Variants in KIF6 observed in about 807,000 individuals in gnomAD.
KIF6 encodes the protein kinesin-like protein KIF6.
In KIF6, 106 loss-of-function variants were observed where a neutral mutation model predicts 112.7. That is an observed-to-expected ratio of 0.94 (90% CI 0.80 to 1.11). The LOEUF (loss-of-function observed/expected upper bound fraction) is 1.11, where lower values mean the gene tolerates loss of function less well. Ranked by LOEUF, KIF6 falls within the 50% of genes least tolerant of loss-of-function variation. The pLI, the probability that KIF6 is intolerant of heterozygous loss-of-function variation, is 0.00. For synonymous variants in KIF6, 339 were observed against 339.9 expected, an observed-to-expected ratio of 1.00 and a Z score of 0.03; for missense variants, 929 against 964.0, an observed-to-expected ratio of 0.96 and a Z score of 0.48.
At chr6:39,362,047 C>T (rs1056477730) in intron 17 of KIF6, among the ~76,000 whole-genome samples, 1 of 152,148 alleles carries the variant, frequency 6.6e-6, no homozygotes, top group Non-Finnish European at 1.5e-5. Context: ...GCTCCTCACT[C>T]TGTAAGTGAA....
At chr6:39,434,540 C>T (rs1771391947) in intron 13 of KIF6, among the ~76,000 whole-genome samples, 1 of 152,098 alleles carries the variant, frequency 6.6e-6, no homozygotes, top group South Asian at 2.1e-4. Flanking sequence ...CATTGCACTT[C>T]AGCCTGGGTG....
chr6:39,634,885 T>C lies in KIF6; in HGVS notation c.473A>G (p.Asp158Gly). 6.2e-7 allele frequency: 1 copy of C among 1,612,154 alleles called. No individual in the cohort carries two copies. Among genetic ancestry groups the C allele is most frequent in the South Asian group, 1.1e-5 (1 of 91,030 alleles). ...IYNECGYDLL[D>G]PRHEASSLED... ...CAAACTGGAGGCTTCATGTCTTGGA[T>C]CCAAAAGATCATAACCACATTCATT... The change falls in exon 5 of 23, where the codon GAT (aspartate) becomes GGT (glycine). Residue 158 changes from aspartate to glycine, a missense_variant. This residue lies in a region of KIF6 where 688 missense variants were observed against 662.7 expected (regional missense o/e 1.04). Transcript: ENST00000287152.
At chr6:39,423,605 A>G (rs1443177985) in intron 14 of KIF6, among the ~76,000 whole-genome samples, 1 of 152,004 alleles carries the variant, frequency 6.6e-6, no homozygotes, top group Non-Finnish European at 1.5e-5. Flanking sequence ...TACCTTGAAG[A>G]TAACTAAAAT....
At chr6:39,694,501 A>G (rs2113814295) in intron 3 of KIF6, among the ~76,000 whole-genome samples, 1 of 152,294 alleles carries the variant, frequency 6.6e-6, no homozygotes, top group South Asian at 2.1e-4. Flanking sequence ...TACAAAAATC[A>G]CTATCATTTC....
chr6:39,448,450 C>T (rs557354110), intron 13 of KIF6, among the ~76,000 whole-genome samples: 1 of 152,254 alleles, frequency 6.6e-6, no homozygotes, highest in South Asian at 2.1e-4. Context: ...GCTGGGATTA[C>T]AGGTGTGAGC....
chr6:39,461,986 G>A (rs1196680166), intron 13 of KIF6, among the ~76,000 whole-genome samples: 2 of 152,100 alleles, frequency 1.3e-5, no homozygotes, highest in Non-Finnish European at 2.9e-5. Context: ...TAATTAAAAT[G>A]AAATAAAATT....
intron 13 of KIF6, among the ~76,000 whole-genome samples, chr6:39,503,331 C>T (rs1168926065): frequency 6.6e-6 from 1 of 152,160 alleles, no homozygotes; most frequent in Non-Finnish European, 1.5e-5. Context: ...CTCTAGGATG[C>T]AGCTAAAGCT....
chr6:39,617,548 G>A, intron 5 of KIF6, among the ~76,000 whole-genome samples: 1 of 152,106 alleles, frequency 6.6e-6, no homozygotes, highest in East Asian at 1.9e-4. Flanking sequence ...GATGGTATAG[G>A]TCATGCACTA....
At chr6:39,634,398 T>C (rs1164394290) in intron 5 of KIF6, among the ~76,000 whole-genome samples, 2 of 152,170 alleles carry the variant, frequency 1.3e-5, no homozygotes, top group Non-Finnish European at 2.9e-5. Flanking sequence ...GCATTAACCA[T>C]AGTAGAGAAG....
chr6:39,351,499 C>G (rs534902837), intron 19 of KIF6, among the ~76,000 whole-genome samples: 1 of 152,114 alleles, frequency 6.6e-6, no homozygotes, highest in Non-Finnish European at 1.5e-5. Context: ...AGCGATCCAC[C>G]GGCTTTAGCC....
At chr6:39,410,287 A>C (rs965031732) in intron 15 of KIF6, among the ~76,000 whole-genome samples, 2 of 152,286 alleles carry the variant, frequency 1.3e-5, no homozygotes, top group Non-Finnish European at 1.5e-5. Context: ...GATGAGATTT[A>C]GAATGCATCA....
intron 13 of KIF6, among the ~76,000 whole-genome samples, chr6:39,524,052 T>TC (rs1777561185): frequency 6.6e-6 from 1 of 152,082 alleles, no homozygotes; most frequent in African/African-American, 2.4e-5. Flanking sequence ...GCACAGTACT[T>TC]CATGTGTTTC....
At chr6:39,553,147 C>A (rs1779482763) in intron 10 of KIF6, among the ~76,000 whole-genome samples, 1 of 152,138 alleles carries the variant, frequency 6.6e-6, no homozygotes, top group Admixed American at 6.5e-5. Context: ...GCTCCCCTAG[C>A]CCTAACCAGT....
intron 16 of KIF6, among the ~76,000 whole-genome samples, chr6:39,375,951 C>T (rs1400320995): frequency 6.6e-6 from 1 of 152,208 alleles, no homozygotes; most frequent in East Asian, 1.9e-4. Context: ...AGCCTTAAAC[C>T]ACTCAATGGG....
At chr6:39,503,463 A>G (rs1776252710) in intron 13 of KIF6, among the ~76,000 whole-genome samples, 1 of 152,188 alleles carries the variant, frequency 6.6e-6, no homozygotes, top group Non-Finnish European at 1.5e-5. Context: ...AAGATAAGAA[A>G]TAACCAATAT....
chr6:39,440,922 G>A (rs926167173), intron 13 of KIF6, among the ~76,000 whole-genome samples: 3 of 152,280 alleles, frequency 2.0e-5, no homozygotes, highest in Admixed American at 2.0e-4. Flanking sequence ...TGACGATGGA[G>A]AGCCAAGGAT....
At chr6:39,553,176 C>T (rs549649602) in intron 10 of KIF6, among the ~76,000 whole-genome samples, 17 of 152,270 alleles carry the variant, frequency 1.1e-4, no homozygotes, top group African/African-American at 4.1e-4. Context: ...GACATGGACC[C>T]TTACATGCAA....
intron 13 of KIF6, among the ~76,000 whole-genome samples, chr6:39,453,736 A>C (rs1326276679): frequency 2.0e-5 from 3 of 152,260 alleles, no homozygotes; most frequent in African/African-American, 7.2e-5. Flanking sequence ...GCAGAATATA[A>C]CAGTCATTAA....
intron 13 of KIF6, among the ~76,000 whole-genome samples, chr6:39,432,118 C>T (rs1015078246): frequency 3.3e-5 from 5 of 152,220 alleles, no homozygotes; most frequent in African/African-American, 9.6e-5. Flanking sequence ...ATAATATGCA[C>T]AGCCCAGTGG....
Sources: gnomAD v4.1 joint callset for allele counts (sites outside exome capture counted in the v4.1 genomes callset) on GRCh38, gnomAD v4.1.1 for gene constraint, gnomAD v4.1.1 regional missense constraint, MANE v1.5 for transcripts, NCBI Gene and HGNC (gene_info 2026-07-23, HGNC 2026-07-21) for gene names.